DZIP3: variants seen among roughly 807,000 people sequenced by gnomAD.
The protein encoded by DZIP3 is E3 ubiquitin-protein ligase DZIP3.
DZIP3 carries 118 observed loss-of-function variants against 162.0 expected under a neutral mutation model. The ratio of observed to expected loss-of-function variants is 0.73; its 90% CI spans 0.63 to 0.85. The LOEUF is 0.85. DZIP3 is among the 40% of genes least tolerant of loss of function. The pLI is 0.00. For synonymous variants in DZIP3, 438 were observed against 458.6 expected (o/e 0.96, Z 0.57); for missense variants, 1,331 against 1,407.0 (o/e 0.95, Z 0.86).
Position 108,669,667 on chromosome 3 carries a change from G to T in DZIP3, c.2424-14G>T, listed in dbSNP as rs749125800. On this transcript the variant is annotated splice_polypyrimidine_tract_variant and intron_variant, in intron 21 of 32. Transcript: ENST00000361582. ...ATTTCTAACATCTTTTGACTTTCTTGCTTGTTTGCTTAGATTACAGCGTCA... is the reference window on the plus strand; with the variant it reads ...ATTTCTAACATCTTTTGACTTTCTTTCTTGTTTGCTTAGATTACAGCGTCA... 1 of 1,608,876 alleles carries T rather than the reference G, an allele frequency of 6.2e-7. No homozygotes were observed. The highest frequency in any genetic ancestry group is 8.5e-7 in the Non-Finnish European group (1 of 1,177,006).
At chr3:108,687,733 T>A (rs1280074308) in intron 28 of DZIP3, among the ~76,000 whole-genome samples, 1 of 152,202 alleles carries the variant, frequency 6.6e-6, no homozygotes, top group Non-Finnish European at 1.5e-5. Flanking sequence ...AAATAAGTAC[T>A]AAACTTTATC....
rs1943454598 is a variant in DZIP3 at position 108,661,911 on chromosome 3, A to C, written c.2234A>C (p.Glu745Ala). ...SAGKVTTDYGETEKERLARQR... is the reference protein window; with the variant it reads ...SAGKVTTDYGATEKERLARQR... ...GGCAAAGTAACTACAGACTATGGAG[A>C]AACTGAAAAGGAAAGGCTTGCTCGT... The change falls in exon 20 of 33, where the codon GAA (glutamate) becomes GCA (alanine). Residue 745 changes from glutamate (E) to alanine (A), a missense_variant. By Grantham distance (107) the Glu-to-Ala change is moderately radical. This residue lies in a region of DZIP3 where 1,278 missense variants were observed against 1,317.1 expected (regional missense o/e 0.97). Transcript: ENST00000361582. 2 of 1,614,024 alleles carry C rather than the reference A, an allele frequency of 1.2e-6. No individual in the cohort carries two copies. The highest frequency in any genetic ancestry group is 1.7e-6 in the Non-Finnish European group (2 of 1,179,946).
rs1374934713 is a variant in DZIP3, at chr3:108,693,984, G to GT, written c.*632dup. 4 of 152,266 alleles carry GT rather than the reference G, an allele frequency of 2.6e-5. No homozygotes were observed. Among genetic ancestry groups the GT allele is most frequent in the Admixed American group, 1.3e-4 (2 of 15,290 alleles). 9.4% of individuals were successfully genotyped at this position (152,266 alleles called of 1,614,324 possible). On this transcript the variant is annotated 3_prime_UTR_variant, in exon 33 of 33. Transcript: ENST00000361582. ...TTGAAAATAGTGTTGTGTGAATGCTGTAAGTGTTGTACATGTCTCTGGTTT... is the reference window on the plus strand; with the variant it reads ...TTGAAAATAGTGTTGTGTGAATGCTGTTAAGTGTTGTACATGTCTCTGGTTT...
intron 27 of DZIP3, among the ~76,000 whole-genome samples, chr3:108,685,504 T>A (rs940118849): frequency 6.6e-6 from 1 of 152,158 alleles, no homozygotes; most frequent in African/African-American, 2.4e-5. Context: ...GTGGTCATAA[T>A]TATCTTAGTA....
intron 10 of DZIP3, among the ~76,000 whole-genome samples, chr3:108,635,873 G>A (rs1018066381): frequency 6.6e-6 from 1 of 151,678 alleles, no homozygotes; most frequent in Non-Finnish European, 1.5e-5. Context: ...TAAAGCAATT[G>A]TGGTGTAGTA....
At chr3:108,644,125 T>A in intron 13 of DZIP3, 39 bp from the exon 14 acceptor site, 1 of 1,541,606 alleles carries the variant, frequency 6.5e-7, no homozygotes, top group Non-Finnish European at 8.7e-7. Flanking sequence ...AAATGAGCAT[T>A]AATGTGGAAT....
Position 108,694,072 on chromosome 3 carries a change from T to C in DZIP3, c.*719T>C, listed in dbSNP as rs1944793813. The stretch of plus-strand genomic sequence containing the variant: ...ATGTTCTTTGCTTCATATTCACAGT[T>C]TCACCTCCATTTAAATTTATGGGGA... On this transcript the variant is annotated 3_prime_UTR_variant, in exon 33 of 33. Coordinates refer to ENST00000361582, the MANE Select transcript of DZIP3 (RefSeq NM_014648.4). The C allele has an allele frequency of 6.6e-6, 1 of 152,186 alleles. No individual in the cohort carries two copies. Among genetic ancestry groups the C allele is most frequent in the African/African-American group, 2.4e-5 (1 of 41,454 alleles). 9.4% of individuals were successfully genotyped at this position (152,186 alleles called of 1,614,324 possible). A position where few individuals can be genotyped will look rare whatever the true frequency, so the allele number is the denominator to read the frequency against.
chr3:108,672,297 G>A lies in DZIP3; in HGVS notation c.2493-263G>A, dbSNP rs569056008. On this transcript the variant is annotated intron_variant, in intron 22 of 32. Transcript: ENST00000361582. ...GGTTTTACAGTTAATAAGTTGTGGA[G>A]CTAAGATTCATCCTCAGACAACTTG... Among the ~76,000 whole-genome samples, 162 of 152,056 alleles carry A rather than the reference G, an allele frequency of 1.1e-3. 1 individual carries two copies. Among genetic ancestry groups the A allele is most frequent in the Admixed American group, 2.7e-3 (41 of 15,250 alleles).
At chr3:108,664,732 C>T (rs932009598) in intron 21 of DZIP3, among the ~76,000 whole-genome samples, 3 of 152,234 alleles carry the variant, frequency 2.0e-5, no homozygotes, top group Non-Finnish European at 4.4e-5. Flanking sequence ...AAAGTATTGT[C>T]AGTCCTTTGC....
At chr3:108,603,724 A>AGAATTATT (rs1310743797) in intron 1 of DZIP3, among the ~76,000 whole-genome samples, 3 of 152,204 alleles carry the variant, frequency 2.0e-5, no homozygotes, top group Admixed American at 6.6e-5. Flanking sequence ...AAATTGTTGC[A>AGAATTATT]GAATTATTCT....
intron 21 of DZIP3, among the ~76,000 whole-genome samples, chr3:108,663,778 T>A (rs1281663650): frequency 6.6e-6 from 1 of 152,154 alleles, no homozygotes; most frequent in Non-Finnish European, 1.5e-5. Flanking sequence ...GCAGTCCACT[T>A]TTGCTGATGC....
At chr3:108,662,017 C>T (rs1943461592) in intron 20 of DZIP3, 45 bp downstream of exon 20, 1 of 1,594,668 alleles carries the variant, frequency 6.3e-7, no homozygotes, top group Admixed American at 1.7e-5. Context: ...AGAAGTATTT[C>T]AAATATTAAA....
At chr3:108,631,565 T>C (rs1941888130) in intron 8 of DZIP3, among the ~76,000 whole-genome samples, 1 of 145,190 alleles carries the variant, frequency 6.9e-6, no homozygotes, top group Middle Eastern at 3.3e-3. Flanking sequence ...AAATTATTAT[T>C]ATTATTATTA....
intron 26 of DZIP3, among the ~76,000 whole-genome samples, chr3:108,682,404 G>A (rs187808292): frequency 1.3e-5 from 2 of 150,822 alleles, no homozygotes; most frequent in African/African-American, 5.0e-5. Flanking sequence ...TAAAGAAAAT[G>A]TATATATACA....
intron 32 of DZIP3, among the ~76,000 whole-genome samples, chr3:108,692,868 A>G (rs1002871366): frequency 4.7e-5 from 7 of 149,342 alleles, no homozygotes; most frequent in Non-Finnish European, 8.9e-5. Flanking sequence ...AATAAATTTT[A>G]TTATATAAAA....
chr3:108,672,686 G>A (rs748437529), intron 23 of DZIP3, 30 bp downstream of exon 23: 5 of 1,565,276 alleles, frequency 3.2e-6, no homozygotes, highest in Middle Eastern at 1.7e-4. Flanking sequence ...AGGGGTATGG[G>A]GTGAGGGGAA....
chr3:108,606,169 C>T (rs986434870), intron 2 of DZIP3, among the ~76,000 whole-genome samples: 3 of 152,140 alleles, frequency 2.0e-5, no homozygotes, highest in Non-Finnish European at 4.4e-5. Context: ...CTGTTATTAT[C>T]CCTATTTTCT....
chr3:108,603,994 G>T (rs894589639), intron 1 of DZIP3, among the ~76,000 whole-genome samples: 10 of 152,084 alleles, frequency 6.6e-5, no homozygotes, highest in Non-Finnish European at 8.8e-5. Context: ...TTTGGTGGGG[G>T]AGGGGCAGGA....
Position 108,644,645 on chromosome 3 carries a change from G to T in DZIP3, c.1623G>T (p.Gly541=), listed in dbSNP as rs565086947. Reference sequence around the variant, plus strand: ...TTTCAGATATTCTTCTGCGCCTTGGGATGATGCAAGAGGATATTGACAAAG... The same window carrying T: ...TTTCAGATATTCTTCTGCGCCTTGGTATGATGCAAGAGGATATTGACAAAG... ...KKVSDILLRL[G]MMQEDIDKVK... Residue 541 remains glycine (G), a synonymous_variant, in exon 14 of 33, where the codon GGG becomes GGT. Coordinates refer to ENST00000361582, the MANE Select transcript of DZIP3 (RefSeq NM_014648.4). 8 of 1,614,018 alleles carry T rather than the reference G, an allele frequency of 5.0e-6. No individual in the cohort carries two copies. The highest frequency in any genetic ancestry group is 6.8e-6 in the Non-Finnish European group (8 of 1,179,948).
Sources: allele counts gnomAD v4.1 joint callset (sites outside exome capture counted in the v4.1 genomes callset), GRCh38; gene constraint gnomAD v4.1.1; regional missense constraint gnomAD v4.1.1; transcripts MANE v1.5; gene names NCBI Gene and HGNC (gene_info 2026-07-23, HGNC 2026-07-21).